Variants in RBFOX1 observed in about 807,000 individuals in gnomAD.
RBFOX1 encodes RNA binding protein fox-1 homolog 1.
Under a neutral mutation model 57.7 loss-of-function variants are expected in RBFOX1, and 8 were observed. The observed-to-expected ratio is 0.14, with a 90% CI of 0.08 to 0.25. The LOEUF (loss-of-function observed/expected upper bound fraction) is 0.25, where lower values mean the gene tolerates loss of function less well. Among genes scored for constraint, RBFOX1 ranks in the 10% least tolerant of loss-of-function variants. The probability of loss-of-function intolerance (pLI) is 1.00; values close to 1 mark genes in which losing one functional copy is unlikely to be tolerated. For missense variants in RBFOX1, 611 were observed against 548.5 expected (o/e 1.11, Z -1.14); for synonymous variants, 326 against 222.4 (o/e 1.47, Z -4.15).
intron 3 of RBFOX1, among the ~76,000 whole-genome samples, chr16:6,959,174 T>A (rs2082435940): frequency 6.6e-6 from 1 of 152,166 alleles, no homozygotes; most frequent in Non-Finnish European, 1.5e-5. Context: ...GCCTGGGCCT[T>A]TTCATCTGTG....
chr16:5,349,642 A>C (rs2065219398), intron 1 of RBFOX1, among the ~76,000 whole-genome samples: 1 of 152,096 alleles, frequency 6.6e-6, no homozygotes. Flanking sequence ...ATTGCACTTC[A>C]GTCTGGGTGA....
intron 4 of RBFOX1, among the ~76,000 whole-genome samples, chr16:7,289,620 C>T (rs914849792): frequency 2.0e-5 from 3 of 152,124 alleles, no homozygotes; most frequent in Non-Finnish European, 4.4e-5. Context: ...TCATCACCAT[C>T]ATCATCACCA....
chr16:7,386,159 T>C (rs77188351), intron 4 of RBFOX1, among the ~76,000 whole-genome samples: 12,306 of 152,018 alleles, frequency 0.081, 528 homozygotes, highest in East Asian at 0.19. Context: ...CCCAACAGCC[T>C]CAGAGATATC....
chr16:7,512,593 T>C (rs2075384027), intron 4 of RBFOX1, among the ~76,000 whole-genome samples: 1 of 152,204 alleles, frequency 6.6e-6, no homozygotes, highest in Non-Finnish European at 1.5e-5. Context: ...CCCATGTTCC[T>C]GGATGCTAAC....
chr16:5,354,466 T>C (rs993737707), intron 1 of RBFOX1, among the ~76,000 whole-genome samples: 5 of 152,180 alleles, frequency 3.3e-5, no homozygotes, highest in Admixed American at 3.3e-4. Context: ...TTGTGTGTAA[T>C]GGAGTTATCA....
At chr16:5,541,233 G>A (rs985192764) in intron 2 of RBFOX1, among the ~76,000 whole-genome samples, 3 of 152,000 alleles carry the variant, frequency 2.0e-5, no homozygotes, top group East Asian at 1.9e-4. Context: ...ATAAAGCCTC[G>A]AATTTTACTA....
chr16:6,528,025 G>T (rs925477248), intron 2 of RBFOX1, among the ~76,000 whole-genome samples: 1 of 152,054 alleles, frequency 6.6e-6, no homozygotes, highest in Non-Finnish European at 1.5e-5. Context: ...ATTTCTCTAT[G>T]TTGAATTTCC....
chr16:7,264,904 T>C (rs1283162865), intron 4 of RBFOX1, among the ~76,000 whole-genome samples: 3 of 152,196 alleles, frequency 2.0e-5, no homozygotes, highest in Non-Finnish European at 4.4e-5. Context: ...CAGTCCACCT[T>C]CCCACAGAAA....
intron 3 of RBFOX1, among the ~76,000 whole-genome samples, chr16:5,847,228 C>T (rs927239018): frequency 3.9e-5 from 6 of 152,000 alleles, no homozygotes; most frequent in African/African-American, 1.5e-4. Flanking sequence ...TTGGAGAAGA[C>T]GCTGCAGTTG....
At chr16:5,821,222 A>T (rs1049679846) in intron 3 of RBFOX1, among the ~76,000 whole-genome samples, 5 of 150,996 alleles carry the variant, frequency 3.3e-5, no homozygotes, top group African/African-American at 4.9e-5. Flanking sequence ...GAAGCCTAAG[A>T]CTACTACTAG....
intron 1 of RBFOX1, among the ~76,000 whole-genome samples, chr16:5,453,490 C>A (rs1431904659): frequency 1.3e-5 from 2 of 152,086 alleles, no homozygotes; most frequent in African/African-American, 2.4e-5. Flanking sequence ...CACTAGGCAC[C>A]CCTCTTCATC....
intron 2 of RBFOX1, among the ~76,000 whole-genome samples, chr16:6,620,800 A>T (rs1292508077): frequency 7.9e-5 from 12 of 152,248 alleles, no homozygotes; most frequent in Admixed American, 2.6e-4. Flanking sequence ...AGACTGATTT[A>T]CAGGAAGAAA....
At chr16:7,220,752 G>A (rs984407477) in intron 4 of RBFOX1, among the ~76,000 whole-genome samples, 1 of 152,104 alleles carries the variant, frequency 6.6e-6, no homozygotes, top group African/African-American at 2.4e-5. Context: ...GGAATTTCCA[G>A]GCCCACATCT....
intron 4 of RBFOX1, among the ~76,000 whole-genome samples, chr16:7,329,362 C>T (rs2096654340): frequency 6.6e-6 from 1 of 152,144 alleles, no homozygotes; most frequent in Non-Finnish European, 1.5e-5. Flanking sequence ...CGTAATACCA[C>T]ATAATAGATG....
intron 3 of RBFOX1, among the ~76,000 whole-genome samples, chr16:6,818,096 G>A (rs752179833): frequency 4.6e-5 from 7 of 152,140 alleles, no homozygotes; most frequent in Non-Finnish European, 1.0e-4. Flanking sequence ...TTGCATTATT[G>A]TTTCAGATTT....
intron 2 of RBFOX1, among the ~76,000 whole-genome samples, chr16:6,494,784 A>G (rs116898364): frequency 6.6e-6 from 1 of 152,228 alleles, no homozygotes. Context: ...GTTGCGTACA[A>G]ACTGATACAA....
intron 3 of RBFOX1, among the ~76,000 whole-genome samples, chr16:6,671,143 C>A (rs888897882): frequency 3.3e-5 from 5 of 152,066 alleles, no homozygotes; most frequent in Admixed American, 2.6e-4. Context: ...CTTATTATTC[C>A]AGTCGAATGG....
At chr16:6,708,826 G>A (rs1245593224) in intron 3 of RBFOX1, among the ~76,000 whole-genome samples, 1 of 152,172 alleles carries the variant, frequency 6.6e-6, no homozygotes, top group Non-Finnish European at 1.5e-5. Context: ...CTGTGAGCTT[G>A]AGAAATGATG....
intron 3 of RBFOX1, among the ~76,000 whole-genome samples, chr16:6,779,101 A>G (rs886355977): frequency 1.3e-5 from 2 of 151,920 alleles, no homozygotes; most frequent in Non-Finnish European, 2.9e-5. Flanking sequence ...TGAATACTGG[A>G]TCTTATGTCT....
Sources: allele counts gnomAD v4.1 joint callset (sites outside exome capture counted in the v4.1 genomes callset), GRCh38; gene constraint gnomAD v4.1.1; transcripts MANE v1.5; gene names NCBI Gene and HGNC (gene_info 2026-07-23, HGNC 2026-07-21).